ANK3: variants seen among roughly 807,000 people sequenced by gnomAD.
The protein encoded by ANK3 is ankyrin-3.
ANK3 carries 57 observed loss-of-function variants against 370.9 expected under a neutral mutation model. The ratio of observed to expected loss-of-function variants is 0.15; its 90% CI spans 0.12 to 0.19. The LOEUF (loss-of-function observed/expected upper bound fraction) is 0.19, where lower values mean the gene tolerates loss of function less well. ANK3 is among the 10% of genes least tolerant of loss of function. The pLI, the probability that ANK3 is intolerant of heterozygous loss-of-function variation, is 1.00. For missense variants in ANK3, 4,439 were observed against 5,302.1 expected, an observed-to-expected ratio of 0.84 and a Z score of 5.06; for synonymous variants, 1,929 against 1,946.3, an observed-to-expected ratio of 0.99 and a Z score of 0.23.
intron 2 of ANK3, among the ~76,000 whole-genome samples, chr10:60,463,601 T>C (rs907832613): frequency 2.0e-5 from 3 of 152,104 alleles, no homozygotes; most frequent in Admixed American, 6.6e-5. Flanking sequence ...TCTATCAGGT[T>C]AGTGGCCCTG....
At chr10:60,331,279 T>G (rs1044373263) in intron 1 of ANK3, among the ~76,000 whole-genome samples, 1 of 151,904 alleles carries the variant, frequency 6.6e-6, no homozygotes, top group East Asian at 1.9e-4. Flanking sequence ...AAAAAATCAA[T>G]GTTTATGAAA....
intron 2 of ANK3, among the ~76,000 whole-genome samples, chr10:60,494,533 C>G (rs539915152): frequency 6.6e-6 from 1 of 152,202 alleles, no homozygotes; most frequent in Non-Finnish European, 1.5e-5. Flanking sequence ...AAATACTTGC[C>G]TGTTCTCTCT....
chr10:60,279,016 G>T, intron 3 of ANK3, 34 bp downstream of exon 3: 1 of 1,598,936 alleles, frequency 6.3e-7, no homozygotes, highest in Non-Finnish European at 8.6e-7. Flanking sequence ...AACATGGCGA[G>T]TGGTTCAAAA....
chr10:60,229,863 T>C (rs988420274), intron 8 of ANK3, among the ~76,000 whole-genome samples: 2 of 152,202 alleles, frequency 1.3e-5, no homozygotes, highest in Admixed American at 1.3e-4. Flanking sequence ...TGGCAGACAC[T>C]AAGATGACCA....
chr10:60,124,751 T>G lies in ANK3; in HGVS notation c.2841+9520A>C, dbSNP rs2093671951. Among the ~76,000 whole-genome samples, 3 of 152,204 alleles carry G rather than the reference T, an allele frequency of 2.0e-5. No individual in the cohort carries two copies. The South Asian group carries it at 6.2e-4, about 32-fold the overall frequency. On this transcript the variant is annotated intron_variant, in intron 25 of 43. Transcript: ENST00000280772. ...GCCTAGTGGCCAGCAGGAGAATGGG[T>G]TTAAGCACCCATCAGGTTTACAGTC...
At chr10:60,225,104 G>A (rs1407947900) in intron 8 of ANK3, among the ~76,000 whole-genome samples, 1 of 151,684 alleles carries the variant, frequency 6.6e-6, no homozygotes, top group African/African-American at 2.4e-5. Flanking sequence ...GTAGAGATGG[G>A]GTTTCACCAA....
intron 30 of ANK3, among the ~76,000 whole-genome samples, chr10:60,085,478 T>A (rs901344734): frequency 4.6e-5 from 7 of 152,170 alleles, no homozygotes; most frequent in African/African-American, 1.4e-4. Flanking sequence ...TAAAAAAAAA[T>A]TCCTTGTTTT....
intron 43 of ANK3, 124 bp downstream of exon 43, chr10:60,042,548 G>T: frequency 1.0e-6 from 1 of 985,844 alleles, no homozygotes; most frequent in South Asian, 1.7e-5. Context: ...CTTCGTATTT[G>T]ATTTTCAAAG....
intron 2 of ANK3, among the ~76,000 whole-genome samples, chr10:60,465,681 C>G (rs889034084): frequency 3.3e-5 from 5 of 151,990 alleles, no homozygotes; most frequent in African/African-American, 4.8e-5. Flanking sequence ...CCAGGGACAT[C>G]TTCTCAAATG....
chr10:60,315,918 T>C (rs1208168157), intron 1 of ANK3, among the ~76,000 whole-genome samples: 2 of 152,200 alleles, frequency 1.3e-5, no homozygotes, highest in African/African-American at 2.4e-5. Context: ...TGTATTCTGA[T>C]GGTTATATTT....
intron 2 of ANK3, among the ~76,000 whole-genome samples, chr10:60,517,571 G>A (rs2076250692): frequency 6.6e-6 from 1 of 152,024 alleles, no homozygotes. Flanking sequence ...AGACAGAAAA[G>A]TAAAAGCTAT....
In ANK3 at chr10:60,076,097, G is replaced by C. The variant is rs1273354069; in HGVS notation, c.4784C>G (p.Ser1595Cys). ...VSQSPYNIQV[S>C]SGTLARAPAV... ...TGGAGCTCTAGCCAGGGTACCAGAG[G>C]AAACTTGGATATTGTATGGAGATTG... Residue 1595 changes from serine to cysteine, a missense_variant, in exon 37 of 44, where the codon TCC (serine) becomes TGC (cysteine). By Grantham distance (112) the Ser-to-Cys change is moderately radical (BLOSUM62 -1). Around this residue, in one of 13 missense-constraint regions of ANK3, gnomAD observed 679 missense variants for 791.0 expected, o/e 0.86. Coordinates refer to ENST00000280772, the MANE Select transcript of ANK3 (RefSeq NM_020987.5). The C allele has an allele frequency of 1.9e-6, 3 of 1,614,100 alleles. No individual in the cohort carries two copies. In the East Asian group the frequency reaches 6.7e-5, roughly 36 times the overall value.
chr10:60,502,592 CCCGCCTGAGG>C (rs761508539), intron 2 of ANK3, among the ~76,000 whole-genome samples: 12 of 152,020 alleles, frequency 7.9e-5, no homozygotes, highest in Non-Finnish European at 1.6e-4. Flanking sequence ...AGGCAGGAAG[CCCGCCTGAGG>C]CCAAAAGTTT....
chr10:60,485,725 T>C (rs912883633), intron 2 of ANK3, among the ~76,000 whole-genome samples: 1 of 152,214 alleles, frequency 6.6e-6, no homozygotes, highest in Admixed American at 6.5e-5. Context: ...CTTATTGTGG[T>C]GTATCTCCAG....
intron 2 of ANK3, among the ~76,000 whole-genome samples, chr10:60,540,479 T>C (rs192526806): frequency 2.0e-5 from 3 of 152,046 alleles, no homozygotes; most frequent in Admixed American, 1.3e-4. Flanking sequence ...TTCTAAAACA[T>C]GGTTATTACA....
intron 42 of ANK3, among the ~76,000 whole-genome samples, chr10:60,046,901 G>A (rs1426125917): frequency 2.0e-5 from 3 of 150,532 alleles, no homozygotes; most frequent in African/African-American, 7.4e-5. Flanking sequence ...CCGCCTCCCG[G>A]GTTCATGCCA....
chr10:60,509,043 T>C (rs538655345), intron 2 of ANK3, among the ~76,000 whole-genome samples: 5 of 152,094 alleles, frequency 3.3e-5, no homozygotes, highest in African/African-American at 1.2e-4. Flanking sequence ...TTGCTGGGAG[T>C]TTGCCAATGT....
At chr10:60,460,934 T>A (rs1264955914) in intron 2 of ANK3, among the ~76,000 whole-genome samples, 1 of 152,170 alleles carries the variant, frequency 6.6e-6, no homozygotes, top group Non-Finnish European at 1.5e-5. Context: ...TTTGAGTAAT[T>A]CTGTTAAATA....
At chr10:60,108,227 C>T (rs776566690) in intron 27 of ANK3, 1 of 448,094 alleles carries the variant, frequency 2.2e-6, no homozygotes, top group South Asian at 1.6e-5. Context: ...CTGCAGGATT[C>T]GGCTAACCAA....
Sources: allele counts gnomAD v4.1 joint callset (sites outside exome capture counted in the v4.1 genomes callset), GRCh38; gene constraint gnomAD v4.1.1; regional missense constraint gnomAD v4.1.1; transcripts MANE v1.5; gene names NCBI Gene and HGNC (gene_info 2026-07-23, HGNC 2026-07-21).